The following SH3BGRL variants were observed in gnomAD, a reference collection of about 807,000 sequenced individuals.
SH3BGRL encodes adapter SH3BGRL.
In SH3BGRL, 7 loss-of-function variants were observed where a neutral mutation model predicts 9.8. The observed-to-expected ratio is 0.72, with a 90% confidence interval of 0.41 to 1.35. SH3BGRL has a LOEUF of 1.35. SH3BGRL is among the 40% of genes most tolerant of loss of function. The pLI, the probability that SH3BGRL is intolerant of heterozygous loss-of-function variation, is 0.01. For missense variants in SH3BGRL, 73 were observed against 84.4 expected, an observed-to-expected ratio of 0.86 and a Z score of 0.53; for synonymous variants, 36 against 29.1, an observed-to-expected ratio of 1.24 and a Z score of -0.76.
intron 1 of SH3BGRL, among the ~76,000 whole-genome samples, chrX:81,257,889 C>A (rs2075730205): frequency 1.8e-5 from 2 of 110,475 alleles, no homozygotes; most frequent in South Asian, 7.8e-4. Flanking sequence ...AGCTCAACAT[C>A]TATGAATTGA....
At chrX:81,228,801 A>T (rs1602600758) in intron 1 of SH3BGRL, among the ~76,000 whole-genome samples, 1 of 112,234 alleles carries the variant, frequency 8.9e-6, no homozygotes, top group African/African-American at 3.2e-5. Context: ...TTCATATGTA[A>T]CATTACTTTG....
Position 81,297,275 on chromosome X carries a change from CT to C in SH3BGRL, c.*52del. ...CATCCTGAAAAATGAGTCTCCATTG[CT>C]TTTATAAAATAGCAGAATTAGCTTT... On this transcript the variant is annotated 3_prime_UTR_variant, in exon 4 of 4. Coordinates refer to ENST00000373212, the MANE Select transcript of SH3BGRL (RefSeq NM_003022.3). The C allele has an allele frequency of 9.5e-7, 1 of 1,053,176 alleles. No homozygotes were observed. Among genetic ancestry groups the C allele is most frequent in the Non-Finnish European group, 1.3e-6 (1 of 762,485 alleles). The allele number at this position is 1,053,176 out of a possible 1,213,427, so 86.8% of individuals were successfully genotyped here.
chrX:81,277,063 A>G lies in SH3BGRL; in HGVS notation c.125A>G (p.Asn42Ser), dbSNP rs1354809469. ...IGFEEKDIAA[N>S]EENRKWMREN... ...TTTGAAGAAAAAGATATTGCAGCCA[A>G]TGAAGAGAATCGGAAGTGGATGAGA... Residue 42 changes from asparagine to serine, a missense_variant, in exon 2 of 4, where the codon AAT becomes AGT. Coordinates refer to ENST00000373212, the MANE Select transcript of SH3BGRL (RefSeq NM_003022.3). The G allele has an allele frequency of 2.5e-6, 3 of 1,207,999 alleles. No individual in the cohort carries two copies. The highest frequency in any genetic ancestry group is 3.4e-6 in the Non-Finnish European group (3 of 893,098).
chrX:81,296,569 C>T (rs958790213), intron 3 of SH3BGRL, among the ~76,000 whole-genome samples: 3 of 111,147 alleles, frequency 2.7e-5, no homozygotes, highest in Non-Finnish European at 5.7e-5. Flanking sequence ...ATGATGTTGT[C>T]TACCACGCTT....
intron 1 of SH3BGRL, among the ~76,000 whole-genome samples, chrX:81,236,667 G>A (rs1187417359): frequency 8.9e-6 from 1 of 111,838 alleles, no homozygotes; most frequent in Non-Finnish European, 1.9e-5. Flanking sequence ...TTGAAGACTT[G>A]AGAAGACTGA....
intron 1 of SH3BGRL, among the ~76,000 whole-genome samples, chrX:81,251,103 T>C (rs1219498469): frequency 8.9e-6 from 1 of 112,225 alleles, no homozygotes; most frequent in Non-Finnish European, 1.9e-5. Context: ...CTAATCATTA[T>C]CATAAACTAA....
intron 1 of SH3BGRL, among the ~76,000 whole-genome samples, chrX:81,223,418 A>G (rs1168408696): frequency 9.0e-6 from 1 of 111,649 alleles, no homozygotes; most frequent in Non-Finnish European, 1.9e-5. Context: ...GAGAGCCAGT[A>G]GTTATCAATT....
intron 1 of SH3BGRL, among the ~76,000 whole-genome samples, chrX:81,232,199 T>C (rs1189461387): frequency 2.7e-5 from 3 of 111,408 alleles, no homozygotes; most frequent in Admixed American, 9.5e-5. Context: ...TAAACTCATA[T>C]TGTCCCTAAA....
intron 1 of SH3BGRL, among the ~76,000 whole-genome samples, chrX:81,222,324 C>G (rs1413322901): frequency 1.5e-5 from 1 of 67,365 alleles, no homozygotes; most frequent in East Asian, 6.2e-4. Flanking sequence ...CCTCCCCCCT[C>G]CCCCCACCCC....
chrX:81,212,362 G>A (rs889277389), intron 1 of SH3BGRL, among the ~76,000 whole-genome samples: 1 of 111,889 alleles, frequency 8.9e-6, no homozygotes, highest in Non-Finnish European at 1.9e-5. Context: ...CACCTGGTGG[G>A]TTTTAAAGTG....
chrX:81,280,492 A>C (rs1480411445), intron 3 of SH3BGRL, among the ~76,000 whole-genome samples: 2 of 111,897 alleles, frequency 1.8e-5, no homozygotes, highest in Non-Finnish European at 3.8e-5. Flanking sequence ...TTCACATCGC[A>C]GGACTCTGTG....
In SH3BGRL at chrX:81,278,370, G is replaced by C; in HGVS notation, c.271G>C (p.Val91Leu). Reference protein sequence around the residue: ...AFFEARENNAVYAFLGLTAPP... With the variant: ...AFFEARENNALYAFLGLTAPP... ...CTTTGAAGCCAGAGAAAATAATGCA[G>C]TGTATGCCTTCTTAGGCTTGACAGC... is the stretch of plus-strand genomic sequence containing the variant. Residue 91 changes from valine to leucine, a missense_variant, in exon 3 of 4, where the codon GTG (valine) becomes CTG (leucine). Physicochemically the swap from Val to Leu is conservative, Grantham distance 32. Coordinates refer to ENST00000373212, the MANE Select transcript of SH3BGRL (RefSeq NM_003022.3). The C allele has an allele frequency of 8.3e-7, 1 of 1,201,688 alleles. No homozygotes were observed. Among genetic ancestry groups the C allele is most frequent in the Non-Finnish European group, 1.1e-6 (1 of 888,402 alleles).
At chrX:81,264,726 T>C (rs994869627) in intron 1 of SH3BGRL, among the ~76,000 whole-genome samples, 1 of 111,087 alleles carries the variant, frequency 9.0e-6, no homozygotes, top group Non-Finnish European at 1.9e-5. Context: ...GTCTGCCCTT[T>C]CTGTGAAGAC....
intron 1 of SH3BGRL, among the ~76,000 whole-genome samples, chrX:81,274,022 T>C (rs768592101): frequency 1.8e-5 from 2 of 112,157 alleles, no homozygotes; most frequent in Admixed American, 1.9e-4. Flanking sequence ...AAAATATTTA[T>C]TTAAATTCCT....
chrX:81,231,042 G>A (rs1376111024), intron 1 of SH3BGRL, among the ~76,000 whole-genome samples: 1 of 112,428 alleles, frequency 8.9e-6, no homozygotes, highest in Non-Finnish European at 1.9e-5. Context: ...AGGCAAATAT[G>A]TTCACAAGTT....
At position 81,289,763 on chromosome X, in the gene SH3BGRL, C is replaced by T. The variant is rs753852548; in HGVS notation, c.313-7432C>T. Reference sequence around the variant, plus strand: ...AGACATGCTTCTCAGGAAGCTGAGACACGAAAATCACTTCAACCCAAAAGG... The same window carrying T: ...AGACATGCTTCTCAGGAAGCTGAGATACGAAAATCACTTCAACCCAAAAGG... On this transcript the variant is annotated intron_variant, in intron 3 of 3. Transcript: ENST00000373212. Among the ~76,000 whole-genome samples, 4 of 111,183 alleles carry T rather than the reference C, an allele frequency of 3.6e-5. No individual in the cohort carries two copies. The Admixed American group carries it at 3.8e-4, about 11-fold the overall frequency.
chrX:81,290,381 G>T (rs974280542), intron 3 of SH3BGRL, among the ~76,000 whole-genome samples: 1 of 112,026 alleles, frequency 8.9e-6, no homozygotes, highest in Non-Finnish European at 1.9e-5. Flanking sequence ...ATACATAATA[G>T]AGTAGTATTC....
chrX:81,257,213 C>A (rs1285069985), intron 1 of SH3BGRL, among the ~76,000 whole-genome samples: 1 of 111,399 alleles, frequency 9.0e-6, no homozygotes, highest in Non-Finnish European at 1.9e-5. Flanking sequence ...ATTTTCTGTG[C>A]AACGATTCTG....
intron 1 of SH3BGRL, among the ~76,000 whole-genome samples, chrX:81,268,723 T>C (rs1247699278): frequency 9.0e-6 from 1 of 111,729 alleles, no homozygotes; most frequent in African/African-American, 3.3e-5. Context: ...TCTGTAGATG[T>C]CTATTAGGTC....
Sources: allele counts gnomAD v4.1 joint callset (sites outside exome capture counted in the v4.1 genomes callset), GRCh38; gene constraint gnomAD v4.1.1; transcripts MANE v1.5; gene names NCBI Gene and HGNC (gene_info 2026-07-23, HGNC 2026-07-21).